The following TRABD2B variants were observed in gnomAD, a reference collection of about 807,000 sequenced individuals.
TRABD2B encodes the protein metalloprotease TIKI2.
In TRABD2B, 14 loss-of-function variants were observed where a neutral mutation model predicts 40.1. The observed-to-expected ratio is 0.35, with a 90% CI of 0.23 to 0.55. The LOEUF is 0.55. Among genes scored for constraint, TRABD2B ranks in the 20% least tolerant of loss-of-function variants. The pLI is 0.90. For missense variants in TRABD2B, 541 were observed against 648.6 expected, an observed-to-expected ratio of 0.83 and a Z score of 1.80; for synonymous variants, 263 against 277.0, an observed-to-expected ratio of 0.95 and a Z score of 0.50.
chr1:47,862,148 C>T (rs1472531094), intron 2 of TRABD2B, among the ~76,000 whole-genome samples: 1 of 152,128 alleles, frequency 6.6e-6, no homozygotes, highest in Non-Finnish European at 1.5e-5. Flanking sequence ...ACACTTAATG[C>T]TAAGAAACTC....
intron 2 of TRABD2B, among the ~76,000 whole-genome samples, chr1:47,924,760 C>T (rs1213500695): frequency 1.3e-5 from 2 of 152,240 alleles, no homozygotes; most frequent in African/African-American, 4.8e-5. Context: ...CTTGCAGTCA[C>T]TTCTCTCAGT....
chr1:47,940,833 A>T (rs183402830), intron 2 of TRABD2B, among the ~76,000 whole-genome samples: 328 of 152,368 alleles, frequency 2.2e-3, no homozygotes, highest in African/African-American at 7.1e-3. Context: ...TCTCGAGAGC[A>T]TGGCAGTCCA....
chr1:47,831,729 G>A (rs577599554), intron 2 of TRABD2B, among the ~76,000 whole-genome samples: 6 of 152,212 alleles, frequency 3.9e-5, no homozygotes, highest in African/African-American at 7.2e-5. Flanking sequence ...AGGTGACTCT[G>A]GGTGAGTTGG....
At chr1:47,788,674 T>A (rs996081056) in intron 4 of TRABD2B, among the ~76,000 whole-genome samples, 18 of 152,186 alleles carry the variant, frequency 1.2e-4, no homozygotes, top group African/African-American at 4.3e-4. Context: ...TACAGCATGC[T>A]GGAATATTAG....
intron 2 of TRABD2B, among the ~76,000 whole-genome samples, chr1:47,948,923 CTT>C (rs1257473180): frequency 6.6e-6 from 1 of 152,126 alleles, no homozygotes; most frequent in African/African-American, 2.4e-5. Context: ...GCTCCCATGA[CTT>C]TGCTAAGTTT....
chr1:47,859,858 A>T (rs1167897486), intron 2 of TRABD2B, among the ~76,000 whole-genome samples: 1 of 151,910 alleles, frequency 6.6e-6, no homozygotes, highest in Non-Finnish European at 1.5e-5. Flanking sequence ...CACATCGACA[A>T]CTCTTCACGG....
chr1:47,874,405 TG>T (rs1231324407), intron 2 of TRABD2B, among the ~76,000 whole-genome samples: 1 of 150,284 alleles, frequency 6.7e-6, no homozygotes, highest in African/African-American at 2.4e-5. Flanking sequence ...CCCGAGTAGC[TG>T]GGACTACAGG....
At chr1:47,908,592 C>T (rs1644709266) in intron 2 of TRABD2B, among the ~76,000 whole-genome samples, 2 of 152,224 alleles carry the variant, frequency 1.3e-5, no homozygotes, top group South Asian at 4.1e-4. Context: ...CCTTCACTCT[C>T]ATTTCCTGTC....
chr1:47,807,717 A>G (rs1644911423), intron 2 of TRABD2B, among the ~76,000 whole-genome samples: 1 of 152,084 alleles, frequency 6.6e-6, no homozygotes, highest in Non-Finnish European at 1.5e-5. Flanking sequence ...AGATATATTG[A>G]CTTATAGTAT....
chr1:47,769,073 A>G (rs1644345905), intron 6 of TRABD2B, among the ~76,000 whole-genome samples: 2 of 152,246 alleles, frequency 1.3e-5, no homozygotes, highest in African/African-American at 4.8e-5. Context: ...GGGGACACTG[A>G]GGCCTCATCT....
At chr1:47,837,823 G>A (rs1645340373) in intron 2 of TRABD2B, among the ~76,000 whole-genome samples, 1 of 152,128 alleles carries the variant, frequency 6.6e-6, no homozygotes, top group South Asian at 2.1e-4. Context: ...CCCTTCCATG[G>A]GTTTCCTCAT....
At chr1:47,971,626 C>G (rs891516615) in intron 2 of TRABD2B, among the ~76,000 whole-genome samples, 1 of 152,128 alleles carries the variant, frequency 6.6e-6, no homozygotes, top group Non-Finnish European at 1.5e-5. Flanking sequence ...CCTGACAGCA[C>G]GCAGCCTAAT....
Position 47,994,621 on chromosome 1 carries a change from G to A in TRABD2B, c.103-24C>T. The A allele has an allele frequency of 4.6e-6, 7 of 1,523,186 alleles. No homozygotes were observed. Among genetic ancestry groups the A allele is most frequent in the Non-Finnish European group, 6.1e-6 (7 of 1,139,940 alleles). The allele number at this position is 1,523,186 out of a possible 1,614,324, so 94.4% of individuals were successfully genotyped here. A position where few individuals can be genotyped will look rare whatever the true frequency, so the allele number is the denominator to read the frequency against. The stretch of plus-strand genomic sequence containing the variant: ...TGCTGCAGGAGTAGAGAAGAGGCAA[G>A]GCAGTGAGGCCGAAGGCAACAGAGT... On this transcript the variant is annotated intron_variant, in intron 1 of 6. Transcript: ENST00000606738. The surrounding 1 kb of genome is among the most constrained non-coding windows in gnomAD (Gnocchi z 6.7).
intron 6 of TRABD2B, among the ~76,000 whole-genome samples, chr1:47,772,829 G>A (rs756484722): frequency 1.3e-5 from 2 of 152,074 alleles, no homozygotes; most frequent in Admixed American, 6.5e-5. Flanking sequence ...CCCTAGAAGC[G>A]GCAAGAAATT....
intron 2 of TRABD2B, among the ~76,000 whole-genome samples, chr1:47,848,546 T>C (rs1022832138): frequency 1.6e-4 from 24 of 152,338 alleles, no homozygotes; most frequent in African/African-American, 3.1e-4. Context: ...TTCCAGCCCA[T>C]GGTTTTGCCT....
chr1:47,908,924 T>A (rs1028930248), intron 2 of TRABD2B, among the ~76,000 whole-genome samples: 2 of 152,216 alleles, frequency 1.3e-5, no homozygotes, highest in Non-Finnish European at 2.9e-5. Flanking sequence ...TTACAGAGCT[T>A]CAGCGCATGA....
chr1:47,874,331 G>T (rs1211551201), intron 2 of TRABD2B, among the ~76,000 whole-genome samples: 118 of 138,774 alleles, frequency 8.5e-4, no homozygotes, highest in African/African-American at 2.7e-3. Context: ...GGACTGCAGT[G>T]GCGCAATCTC....
chr1:47,795,028 C>T (rs1250100844), intron 3 of TRABD2B, among the ~76,000 whole-genome samples: 5 of 152,274 alleles, frequency 3.3e-5, no homozygotes, highest in Admixed American at 2.6e-4. Flanking sequence ...GCCTTGGCTT[C>T]GCAAAGTGCT....
At chr1:47,991,910 C>A (rs535170079) in intron 2 of TRABD2B, among the ~76,000 whole-genome samples, 13 of 152,210 alleles carry the variant, frequency 8.5e-5, no homozygotes, top group South Asian at 2.1e-4. Flanking sequence ...ATTTTTGGAT[C>A]CCTAATGACC....
Sources: gnomAD v4.1 joint callset for allele counts (sites outside exome capture counted in the v4.1 genomes callset) on GRCh38, gnomAD v4.1.1 for gene constraint, Gnocchi (gnomAD v3.1) non-coding constraint, MANE v1.5 for transcripts, NCBI Gene and HGNC (gene_info 2026-07-23, HGNC 2026-07-21) for gene names.